The following NRG2 variants were observed in gnomAD, a reference collection of about 807,000 sequenced individuals.
NRG2 encodes the protein pro-neuregulin-2, membrane-bound isoform.
A neutral mutation model predicts 73.9 loss-of-function variants in NRG2; 27 were observed. That is an observed-to-expected ratio of 0.37 (90% CI 0.27 to 0.50). The LOEUF is 0.50. Ranked by LOEUF, NRG2 falls within the 20% of genes least tolerant of loss-of-function variation. NRG2 has a pLI of 0.96. For missense variants in NRG2, 1,126 were observed against 1,210.1 expected, an observed-to-expected ratio of 0.93 and a Z score of 1.03; for synonymous variants, 532 against 541.0, an observed-to-expected ratio of 0.98 and a Z score of 0.23.
At chr5:139,919,068 T>G (rs985305204) in intron 1 of NRG2, among the ~76,000 whole-genome samples, 40 of 152,208 alleles carry the variant, frequency 2.6e-4, no homozygotes, top group African/African-American at 9.4e-4. Context: ...GAGCACAATA[T>G]GCTTCTGAAA....
intron 1 of NRG2, among the ~76,000 whole-genome samples, chr5:140,021,080 TAAC>T (rs1032350453): frequency 3.9e-5 from 6 of 152,228 alleles, no homozygotes; most frequent in African/African-American, 1.4e-4. Flanking sequence ...GTTGTAATAA[TAAC>T]AACAGCATAT....
At chr5:139,997,979 A>G (rs1478903437) in intron 1 of NRG2, among the ~76,000 whole-genome samples, 1 of 152,228 alleles carries the variant, frequency 6.6e-6, no homozygotes, top group Non-Finnish European at 1.5e-5. Flanking sequence ...ACCTGGGCTC[A>G]GAGGAGTGGG....
At chr5:140,035,585 T>C (rs981547378) in intron 1 of NRG2, among the ~76,000 whole-genome samples, 8 of 152,262 alleles carry the variant, frequency 5.3e-5, no homozygotes, top group Non-Finnish European at 1.2e-4. Context: ...ATTGCATCAC[T>C]GTCACAATAG....
rs1242050122 is a variant in NRG2, at chr5:140,043,218, G to GGGCAGGC, written c.-156_-150dup. 33 of 848,882 alleles carry GGGCAGGC rather than the reference G, an allele frequency of 3.9e-5. No individual in the cohort carries two copies. Among genetic ancestry groups the GGGCAGGC allele is most frequent in the Admixed American group, 6.4e-5 (2 of 31,188 alleles). 52.6% of individuals were successfully genotyped at this position (848,882 alleles called of 1,614,324 possible). On this transcript the variant is annotated 5_prime_UTR_variant, in exon 1 of 10. Coordinates refer to ENST00000361474, the MANE Select transcript of NRG2 (RefSeq NM_004883.3). This position sits in a 1 kb window ranked among gnomAD's most constrained non-coding sequence, Gnocchi z 6.7. ...GGGGAGGTGGCCCAGCTAGGGCAGG[G>GGGCAGGC]GGCAGGCGGCAAGCGGGCCGCGATG... is the stretch of plus-strand genomic sequence containing the variant.
At chr5:139,890,265 T>C (rs1764121835) in intron 1 of NRG2, among the ~76,000 whole-genome samples, 1 of 152,204 alleles carries the variant, frequency 6.6e-6, no homozygotes, top group African/African-American at 2.4e-5. Context: ...TATTGGCCCA[T>C]TGTATTTCTT....
At chr5:139,962,443 A>G (rs1405988951) in intron 1 of NRG2, among the ~76,000 whole-genome samples, 1 of 152,224 alleles carries the variant, frequency 6.6e-6, no homozygotes, top group Non-Finnish European at 1.5e-5. Flanking sequence ...CAGGGGGAAT[A>G]GTACAAGGCA....
rs539340534 is a variant in NRG2, at chr5:139,914,555, C to G, written c.701-27044G>C. ...TTCATAAGCTCCTCTGCCAAATTCC[C>G]CAGGACACTCCCACTCCATTCTCAA... On this transcript the variant is annotated intron_variant, in intron 1 of 9. Transcript: ENST00000361474. 1.7e-3 allele frequency among the ~76,000 whole-genome samples: 256 copies of G among 152,306 alleles called. 1 individual carries two copies. The highest frequency in any genetic ancestry group is 3.4e-3 in the Middle Eastern group (1 of 294).
At chr5:139,872,442 G>A (rs1220483227) in intron 3 of NRG2, among the ~76,000 whole-genome samples, 1 of 152,140 alleles carries the variant, frequency 6.6e-6, no homozygotes, top group Non-Finnish European at 1.5e-5. Context: ...CCAAGGTCTG[G>A]GCTAGCTCCA....
At chr5:139,890,240 C>A (rs1004078642) in intron 1 of NRG2, among the ~76,000 whole-genome samples, 1 of 152,194 alleles carries the variant, frequency 6.6e-6, no homozygotes, top group African/African-American at 2.4e-5. Context: ...TGAGGCTGAA[C>A]ATTTTTCATG....
chr5:140,035,830 G>A (rs1408129274), intron 1 of NRG2, among the ~76,000 whole-genome samples: 1 of 152,138 alleles, frequency 6.6e-6, no homozygotes, highest in Non-Finnish European at 1.5e-5. Context: ...TCAGCACAGG[G>A]CAGGAAACTG....
At chr5:139,866,627 G>A (rs1762485909) in intron 4 of NRG2, among the ~76,000 whole-genome samples, 1 of 152,196 alleles carries the variant, frequency 6.6e-6, no homozygotes, top group Non-Finnish European at 1.5e-5. Flanking sequence ...GTGGCAGCCA[G>A]CCTGCGAAAC....
chr5:139,973,370 T>A, intron 1 of NRG2, among the ~76,000 whole-genome samples: 1 of 152,218 alleles, frequency 6.6e-6, no homozygotes, highest in East Asian at 1.9e-4. Context: ...CATATACTTT[T>A]TTTTTGAGAC....
chr5:140,041,966 G>A (rs559015102), intron 1 of NRG2, among the ~76,000 whole-genome samples: 26 of 152,020 alleles, frequency 1.7e-4, no homozygotes, highest in Non-Finnish European at 3.5e-4. Context: ...CCTGGGCACG[G>A]CAGGCCCGCG....
At chr5:140,035,123 A>ATGTTGTT (rs1467091022) in intron 1 of NRG2, among the ~76,000 whole-genome samples, 1 of 151,952 alleles carries the variant, frequency 6.6e-6, no homozygotes, top group Non-Finnish European at 1.5e-5. Context: ...TTCCCCTTTC[A>ATGTTGTT]TTTTGTTTTT....
intron 3 of NRG2, among the ~76,000 whole-genome samples, chr5:139,876,816 C>G (rs779469200): frequency 6.6e-6 from 1 of 152,014 alleles, no homozygotes; most frequent in Non-Finnish European, 1.5e-5. Flanking sequence ...TTTTAGTTTC[C>G]TGCCATTTGA....
chr5:140,017,916 T>C (rs1759924755), intron 1 of NRG2, among the ~76,000 whole-genome samples: 1 of 152,002 alleles, frequency 6.6e-6, no homozygotes, highest in Non-Finnish European at 1.5e-5. Flanking sequence ...TGAGAAGGGA[T>C]GGACCACAGG....
At chr5:139,918,449 C>G (rs980528113) in intron 1 of NRG2, among the ~76,000 whole-genome samples, 14 of 152,138 alleles carry the variant, frequency 9.2e-5, no homozygotes, top group African/African-American at 3.4e-4. Context: ...CTTTGTGTAC[C>G]CTTTTACAGC....
At position 139,915,676 on chromosome 5, in the gene NRG2, A is replaced by G. The variant is rs79688001; in HGVS notation, c.701-28165T>C. On this transcript the variant is annotated intron_variant, in intron 1 of 9. Coordinates refer to ENST00000361474, the MANE Select transcript of NRG2 (RefSeq NM_004883.3). This position sits in a 1 kb window ranked among gnomAD's most constrained non-coding sequence, Gnocchi z 4.0. ...AGACAACTCTGAATATTGTCATTCAATTTACAAGTAGCAGAACTGTATAGC... is the reference window on the plus strand; with the variant it reads ...AGACAACTCTGAATATTGTCATTCAGTTTACAAGTAGCAGAACTGTATAGC... Among the ~76,000 whole-genome samples the G allele has an allele frequency of 3.9e-3, 591 of 152,306 alleles. 3 individuals are homozygous for G. The highest frequency in any genetic ancestry group is 0.013 in the African/African-American group (554 of 41,564).
At chr5:139,864,671 A>T (rs996402715) in intron 5 of NRG2, among the ~76,000 whole-genome samples, 7 of 150,738 alleles carry the variant, frequency 4.6e-5, no homozygotes, top group Admixed American at 4.0e-4. Context: ...CCTCTACCCC[A>T]TTTCCAAACC....
Sources: allele counts gnomAD v4.1 joint callset (sites outside exome capture counted in the v4.1 genomes callset), GRCh38; gene constraint gnomAD v4.1.1; non-coding constraint Gnocchi (gnomAD v3.1); transcripts MANE v1.5; gene names NCBI Gene and HGNC (gene_info 2026-07-23, HGNC 2026-07-21).